The following KCNU1 variants were observed in gnomAD, a reference collection of about 807,000 sequenced individuals.
KCNU1 encodes the protein potassium channel subfamily U member 1.
KCNU1 carries 93 observed loss-of-function variants against 126.8 expected under a neutral mutation model. That is an observed-to-expected ratio of 0.73 (90% CI 0.62 to 0.87). The LOEUF is 0.87. Among genes scored for constraint, KCNU1 ranks in the 40% least tolerant of loss-of-function variants. The pLI, the probability that KCNU1 is intolerant of heterozygous loss-of-function variation, is 0.00. For synonymous variants in KCNU1, 523 were observed against 494.2 expected (o/e 1.06, Z -0.77); for missense variants, 1,330 against 1,367.1 (o/e 0.97, Z 0.43).
intron 1 of KCNU1, among the ~76,000 whole-genome samples, chr8:36,786,691 T>A (rs1802722515): frequency 6.6e-6 from 1 of 152,210 alleles, no homozygotes; most frequent in Non-Finnish European, 1.5e-5. Flanking sequence ...AATTTCTCTA[T>A]ACCTTGGTAT....
chr8:36,907,456 G>A (rs1042079242), intron 20 of KCNU1, among the ~76,000 whole-genome samples: 15 of 152,044 alleles, frequency 9.9e-5, no homozygotes, highest in South Asian at 2.1e-4. Flanking sequence ...ATTAAATACC[G>A]TTAGAGGCTT....
intron 24 of KCNU1, chr8:36,929,096 A>G: frequency 1.5e-6 from 1 of 675,640 alleles, no homozygotes; most frequent in South Asian, 1.6e-5. Flanking sequence ...CTGAAAAAAC[A>G]ATCAGCCAGA....
intron 10 of KCNU1, 68 bp downstream of exon 10, chr8:36,817,828 C>G: frequency 2.7e-6 from 2 of 745,048 alleles, no homozygotes; most frequent in East Asian, 5.2e-5. Context: ...ATTTTTAATG[C>G]AAGAAAATTA....
At chr8:36,888,376 C>T in intron 19 of KCNU1, 1 of 355,294 alleles carries the variant, frequency 2.8e-6, no homozygotes, top group Non-Finnish European at 5.6e-6. Context: ...GTAGCTTTTC[C>T]TGCCACTCCT....
At chr8:36,839,574 G>T (rs550043675) in intron 14 of KCNU1, among the ~76,000 whole-genome samples, 1 of 152,098 alleles carries the variant, frequency 6.6e-6, no homozygotes, top group African/African-American at 2.4e-5. Flanking sequence ...GTCCTTTTTC[G>T]TAGGGCAGAA....
intron 5 of KCNU1, among the ~76,000 whole-genome samples, chr8:36,806,792 T>C (rs1803518965): frequency 6.6e-6 from 1 of 152,350 alleles, no homozygotes; most frequent in South Asian, 2.1e-4. Context: ...GTCTTTAAGG[T>C]GAATGTGTTG....
intron 16 of KCNU1, among the ~76,000 whole-genome samples, chr8:36,843,591 T>A (rs1005146218): frequency 4.6e-5 from 7 of 152,230 alleles, no homozygotes; most frequent in African/African-American, 1.7e-4. Flanking sequence ...ACTCAGGTCC[T>A]CTGGCTCCAG....
chr8:36,936,111 G>T lies in KCNU1; in HGVS notation c.*191G>T, dbSNP rs1808850523. 2 of 466,622 alleles carry T rather than the reference G, an allele frequency of 4.3e-6. No homozygotes were observed. Among genetic ancestry groups the T allele is most frequent in the African/African-American group, 2.0e-5 (1 of 50,256 alleles). 28.9% of individuals were successfully genotyped at this position (466,622 alleles called of 1,614,324 possible). A position where few individuals can be genotyped will look rare whatever the true frequency, so the allele number is the denominator to read the frequency against. ...CACTGGATCTTGTGTGATAAATAAAGAAATATATGATCAATGCTTCTGTAA... is the reference window on the plus strand; with the variant it reads ...CACTGGATCTTGTGTGATAAATAAATAAATATATGATCAATGCTTCTGTAA... On this transcript the variant is annotated 3_prime_UTR_variant, in exon 27 of 27. Transcript: ENST00000399881.
chr8:36,846,788 GAA>G (rs373337302), intron 18 of KCNU1, among the ~76,000 whole-genome samples: 5 of 110,246 alleles, frequency 4.5e-5, no homozygotes, highest in Non-Finnish European at 9.0e-5. Context: ...GCGACAGAGC[GAA>G]AAAAAAAAAA....
At position 36,806,344 on chromosome 8, in the gene KCNU1, A is replaced by T. The variant is rs779346550; in HGVS notation, c.544A>T (p.Thr182Ser). Residue 182 changes from threonine (T) to serine (S), a missense_variant, in exon 5 of 27, where the codon ACC (threonine) becomes TCC (serine). Thr to Ser is a moderately conservative substitution (Grantham distance 58). Transcript: ENST00000399881. ...CGTAGACATCTTTACCATCCCACCA[A>T]CCTTTATTTCTTATTATTTGAAGAG... ...SIVDIFTIPP[T>S]FISYYLKSNW... is the part of the protein sequence containing the mutation. 10 of 1,609,676 alleles carry T rather than the reference A, an allele frequency of 6.2e-6. No homozygotes were observed. In the South Asian group the frequency reaches 1.1e-4, roughly 18 times the overall value.
chr8:36,801,857 C>T (rs879914465), intron 2 of KCNU1, among the ~76,000 whole-genome samples: 18 of 151,974 alleles, frequency 1.2e-4, no homozygotes, highest in Non-Finnish European at 2.1e-4. Flanking sequence ...CACCTGTAAT[C>T]CCAGCACTTG....
At chr8:36,808,611 T>A in intron 6 of KCNU1, 107 bp from the exon 7 acceptor site, 1 of 711,622 alleles carries the variant, frequency 1.4e-6, no homozygotes, top group Non-Finnish European at 2.5e-6. Flanking sequence ...ATGCCGTTCC[T>A]TCTGGTCCAT....
In KCNU1 at chr8:36,798,393, T is replaced by G. The variant is rs1803183724; in HGVS notation, c.316-5634T>G. On this transcript the variant is annotated intron_variant, in intron 2 of 26. Coordinates refer to ENST00000399881, the MANE Select transcript of KCNU1 (RefSeq NM_001031836.3). ...AAAATATTTTACCCCAAAACATGTT[T>G]ATTTGCCATATTTTGAAATGGCCCT... Among the ~76,000 whole-genome samples, 5 of 152,342 alleles carry G rather than the reference T, an allele frequency of 3.3e-5. No individual in the cohort carries two copies. The South Asian group carries it at 1.0e-3, about 32-fold the overall frequency.
chr8:36,918,209 C>G (rs563587472), intron 22 of KCNU1, among the ~76,000 whole-genome samples: 187 of 152,146 alleles, frequency 1.2e-3, no homozygotes, highest in African/African-American at 4.1e-3. Context: ...ACTGGGAGAG[C>G]TTTGCCTTTT....
At chr8:36,863,595 G>A in intron 18 of KCNU1, among the ~76,000 whole-genome samples, 1 of 152,204 alleles carries the variant, frequency 6.6e-6, no homozygotes, top group Admixed American at 6.5e-5. Flanking sequence ...ACAACAGCAA[G>A]TGCAAATTCT....
In KCNU1 at chr8:36,879,209, GTGTATATATA is replaced by G. The variant is rs1203502614; in HGVS notation, c.2009+14690_2009+14699del. Among the ~76,000 whole-genome samples, 289 of 86,680 alleles carry G rather than the reference GTGTATATATA, an allele frequency of 3.3e-3. 4 individuals are homozygous for G. Among genetic ancestry groups the G allele is most frequent in the African/African-American group, 0.012 (266 of 21,604 alleles). The allele number at this position is 86,680 out of a possible 152,430, so 56.9% of individuals were successfully genotyped here. A position where few individuals can be genotyped will look rare whatever the true frequency, so the allele number is the denominator to read the frequency against. On this transcript the variant is annotated intron_variant, in intron 19 of 26. Coordinates refer to ENST00000399881, the MANE Select transcript of KCNU1 (RefSeq NM_001031836.3). ...TATATGTATGTGTGTGTGTGTGTGTGTGTATATATATATATATATATATATATATACACAC... is the reference window on the plus strand; with the variant it reads ...TATATGTATGTGTGTGTGTGTGTGTGTATATATATATATATATATACACAC...
At chr8:36,850,254 T>C (rs1287865181) in intron 18 of KCNU1, among the ~76,000 whole-genome samples, 2 of 152,172 alleles carry the variant, frequency 1.3e-5, no homozygotes, top group Non-Finnish European at 2.9e-5. Context: ...TCCCATTCTG[T>C]GGTTTTGCTT....
At chr8:36,884,759 A>G in intron 19 of KCNU1, among the ~76,000 whole-genome samples, 1 of 152,054 alleles carries the variant, frequency 6.6e-6, no homozygotes, top group Non-Finnish European at 1.5e-5. Flanking sequence ...AAAATAAAAA[A>G]TAAAAATAAA....
chr8:36,808,667 G>A (rs759152262), intron 6 of KCNU1, 51 bp from the exon 7 acceptor site: 1 of 1,142,436 alleles, frequency 8.8e-7, no homozygotes, highest in African/African-American at 1.5e-5. Context: ...AGGTGTTTGT[G>A]TTGTTCTGGA....
Sources: allele counts gnomAD v4.1 joint callset (sites outside exome capture counted in the v4.1 genomes callset), GRCh38; gene constraint gnomAD v4.1.1; transcripts MANE v1.5; gene names NCBI Gene and HGNC (gene_info 2026-07-23, HGNC 2026-07-21).